Variants in GEM observed in about 807,000 individuals in gnomAD.
The protein encoded by GEM is GTP binding protein overexpressed in skeletal muscle.
A neutral mutation model predicts 33.0 loss-of-function variants in GEM; 31 were observed. The ratio of observed to expected loss-of-function variants is 0.94; its 90% CI spans 0.71 to 1.27. The LOEUF is 1.27. Ranked by LOEUF, GEM falls within the 50% of genes most tolerant of loss-of-function variation. The pLI, the probability that GEM is intolerant of heterozygous loss-of-function variation, is 0.00. For missense variants in GEM, 354 were observed against 390.5 expected (o/e 0.91, Z 0.79); for synonymous variants, 141 against 143.7 (o/e 0.98, Z 0.13).
intron 4 of GEM, 147 bp downstream of exon 4, chr8:94,251,872 G>A (rs1392877356): frequency 6.1e-6 from 4 of 655,114 alleles, no homozygotes; most frequent in African/African-American, 5.4e-5. Context: ...GGGACTGTAG[G>A]AGTCTGAGAA....
chr8:94,250,233 T>G lies in GEM; in HGVS notation c.*77A>C, dbSNP rs966415811. 1.7e-6 allele frequency: 2 copies of G among 1,181,878 alleles called. No individual in the cohort carries two copies. Among genetic ancestry groups the G allele is most frequent in the Non-Finnish European group, 2.4e-6 (2 of 827,700 alleles). 73.2% of individuals were successfully genotyped at this position (1,181,878 alleles called of 1,614,324 possible). ...GGGAAACCACATCTAACTTAAGTATTCAATCTAATATAGATTATTGGTCCC... is the reference window on the plus strand; with the variant it reads ...GGGAAACCACATCTAACTTAAGTATGCAATCTAATATAGATTATTGGTCCC... On this transcript the variant is annotated 3_prime_UTR_variant, in exon 5 of 5. Transcript: ENST00000297596.
intron 1 of GEM, among the ~76,000 whole-genome samples, chr8:94,261,328 C>A (rs767961049): frequency 6.6e-6 from 1 of 152,150 alleles, no homozygotes; most frequent in Non-Finnish European, 1.5e-5. Context: ...CACATCCATT[C>A]TCAAGAGTTC....
Position 94,249,355 on chromosome 8 carries a change from TA to T in GEM, c.*954del, listed in dbSNP as rs1808713024. The T allele has an allele frequency of 6.6e-6, 1 of 152,208 alleles. No homozygotes were observed. Among genetic ancestry groups the T allele is most frequent in the South Asian group, 2.1e-4 (1 of 4,830 alleles). The allele number at this position is 152,208 out of a possible 1,614,324, so 9.4% of individuals were successfully genotyped here. A position where few individuals can be genotyped will look rare whatever the true frequency, so the allele number is the denominator to read the frequency against. On this transcript the variant is annotated 3_prime_UTR_variant, in exon 5 of 5. Transcript: ENST00000297596. The stretch of plus-strand genomic sequence containing the variant: ...GTAATAAAATGGATATTTTTCTTAT[TA>T]AGAAATATGTTCATAAATATGCTTT...
Position 94,250,496 on chromosome 8 carries a change from A to G in GEM, c.705T>C (p.Ile235=). Residue 235 remains isoleucine (I), a synonymous_variant, in exon 5 of 5, where the codon ATT becomes ATC. Transcript: ENST00000297596. ...QHNVKELFEG[I]VRQVRLRRDS... is the part of the protein sequence containing the mutation. The stretch of plus-strand genomic sequence containing the variant: ...CCCGCCGAAGGCGCACCTGTCGCAC[A>G]ATGCCCTCAAACAGCTCCTTCACGT... 3 of 1,614,224 alleles carry G rather than the reference A, an allele frequency of 1.9e-6. No individual in the cohort carries two copies. Among genetic ancestry groups the G allele is most frequent in the Non-Finnish European group, 2.5e-6 (3 of 1,180,036 alleles).
chr8:94,254,432 C>G (rs916650746), intron 2 of GEM, among the ~76,000 whole-genome samples: 4 of 152,162 alleles, frequency 2.6e-5, no homozygotes, highest in Non-Finnish European at 5.9e-5. Flanking sequence ...GCAACTTAGG[C>G]TCTCTGAGCC....
chr8:94,262,103 T>C lies in GEM; in HGVS notation c.-23A>G, dbSNP rs1464719478. The stretch of plus-strand genomic sequence containing the variant: ...TCTGACCCCTACCAGAAAATCCCAG[T>C]GCTGAGCGCACGTTCCAGGGGTTCT... On this transcript the variant is annotated 5_prime_UTR_variant, in exon 1 of 5. Transcript: ENST00000297596. 2 of 152,268 alleles carry C rather than the reference T, an allele frequency of 1.3e-5. No homozygotes were observed. The highest frequency in any genetic ancestry group is 4.8e-5 in the African/African-American group (2 of 41,454). 9.4% of individuals were successfully genotyped at this position (152,268 alleles called of 1,614,324 possible). A position where few individuals can be genotyped will look rare whatever the true frequency, so the allele number is the denominator to read the frequency against.
intron 2 of GEM, among the ~76,000 whole-genome samples, chr8:94,255,099 T>C (rs10216999): frequency 0.13 from 20,433 of 152,120 alleles, 1,931 homozygotes; most frequent in African/African-American, 0.26. Flanking sequence ...AACCCCTCCC[T>C]GCACTCAGAC....
chr8:94,251,311 GA>G (rs931385753), intron 4 of GEM, among the ~76,000 whole-genome samples: 3 of 151,868 alleles, frequency 2.0e-5, no homozygotes, highest in Admixed American at 1.3e-4. Context: ...TTTTGGTTTG[GA>G]AAAAAAATGA....
In GEM at chr8:94,252,128, T is replaced by C; in HGVS notation, c.504A>G (p.Ala168=). 1.2e-6 allele frequency: 2 copies of C among 1,613,842 alleles called. No homozygotes were observed. Among genetic ancestry groups the C allele is most frequent in the Non-Finnish European group, 1.7e-6 (2 of 1,179,706 alleles). ...SITDRASFEK[A]SELRIQLRRA... ...TGCGGAGCTGGATTCGCAGCTCAGATGCCTTCTCGAAGCTCGCTCGGTCTG... is the reference window on the plus strand; with the variant it reads ...TGCGGAGCTGGATTCGCAGCTCAGACGCCTTCTCGAAGCTCGCTCGGTCTG... The change falls in exon 4 of 5, where the codon GCA becomes GCG. Residue 168 remains alanine (A), a synonymous_variant. Coordinates refer to ENST00000297596, the MANE Select transcript of GEM (RefSeq NM_005261.4).
At position 94,250,232 on chromosome 8, in the gene GEM, T is replaced by C; in HGVS notation, c.*78A>G. ...GGGGAAACCACATCTAACTTAAGTA[T>C]TCAATCTAATATAGATTATTGGTCC... On this transcript the variant is annotated 3_prime_UTR_variant, in exon 5 of 5. Coordinates refer to ENST00000297596, the MANE Select transcript of GEM (RefSeq NM_005261.4). The C allele has an allele frequency of 8.5e-7, 1 of 1,175,384 alleles. No homozygotes were observed. Among genetic ancestry groups the C allele is most frequent in the South Asian group, 1.5e-5 (1 of 66,102 alleles). The allele number at this position is 1,175,384 out of a possible 1,614,324, so 72.8% of individuals were successfully genotyped here. A position where few individuals can be genotyped will look rare whatever the true frequency, so the allele number is the denominator to read the frequency against.
At chr8:94,261,550 C>T (rs1445245623) in intron 1 of GEM, among the ~76,000 whole-genome samples, 4 of 151,974 alleles carry the variant, frequency 2.6e-5, no homozygotes, top group Non-Finnish European at 5.9e-5. Context: ...TTGGTAGAGA[C>T]AGTGGCCTCA....
In GEM at chr8:94,260,478, C is replaced by T. The variant is rs756531627; in HGVS notation, c.26G>A (p.Arg9His). The T allele has an allele frequency of 6.2e-6, 10 of 1,606,688 alleles. No individual in the cohort carries two copies. The highest frequency in any genetic ancestry group is 1.3e-5 in the African/African-American group (1 of 74,944). Reference sequence around the variant, plus strand: ...TGGCTGCATGCCCACAGTGCCCTGGCGCATGGTGACATTATTCAGAGTCAT... The same window carrying T: ...TGGCTGCATGCCCACAGTGCCCTGGTGCATGGTGACATTATTCAGAGTCAT... MTLNNVTM[R>H]QGTVGMQPQQ... is the part of the protein sequence containing the mutation. Residue 9 changes from arginine to histidine, a missense_variant, in exon 2 of 5, where the codon CGC (arginine) becomes CAC (histidine). Transcript: ENST00000297596.
chr8:94,253,096 T>C lies in GEM; in HGVS notation c.348A>G (p.Arg116=). Reference sequence around the variant, plus strand: ...CACTTTCCCCATCAACCATCAGGGTTCGTTCATATGTATCTTCTAGAGAAG... The same window carrying C: ...CACTTTCCCCATCAACCATCAGGGTCCGTTCATATGTATCTTCTAGAGAAG... ...CEVLGEDTYE[R]TLMVDGESAT... Residue 116 remains arginine (R), a synonymous_variant, in exon 3 of 5, where the codon CGA becomes CGG. Coordinates refer to ENST00000297596, the MANE Select transcript of GEM (RefSeq NM_005261.4). 6.3e-7 allele frequency: 1 copy of C among 1,587,300 alleles called. No individual in the cohort carries two copies. Among genetic ancestry groups the C allele is most frequent in the South Asian group, 1.1e-5 (1 of 90,490 alleles).
rs3735860 is a variant in GEM, at chr8:94,258,943, C to T, written c.331+1230G>A. Reference sequence around the variant, plus strand: ...AAGGCACCTAACAAAGTGCCTCTCCCGTTGCAAACATTCACTCTAAATGCT... The same window carrying T: ...AAGGCACCTAACAAAGTGCCTCTCCTGTTGCAAACATTCACTCTAAATGCT... On this transcript the variant is annotated intron_variant, in intron 2 of 4. Transcript: ENST00000297596. Among the ~76,000 whole-genome samples, 691 of 152,236 alleles carry T rather than the reference C, an allele frequency of 4.5e-3. 42 individuals carry two copies. The East Asian group carries it at 0.11, about 25-fold the overall frequency.
At chr8:94,255,754 C>A (rs563649820) in intron 2 of GEM, among the ~76,000 whole-genome samples, 3 of 152,106 alleles carry the variant, frequency 2.0e-5, no homozygotes, top group Non-Finnish European at 2.9e-5. Flanking sequence ...GAGGCTTTTC[C>A]GTAATCTGGG....
chr8:94,260,285 G>C lies in GEM; in HGVS notation c.219C>G (p.Asn73Lys). ...CTATGAGCACCACTCGGTAGTAGGT[G>C]TTCCCTGACTCAGAGGAGATGACTG... is the stretch of plus-strand genomic sequence containing the variant. ...TDSVISSESG[N>K]TYYRVVLIGE... The change falls in exon 2 of 5, where the codon AAC becomes AAG. Residue 73 changes from asparagine to lysine, a missense_variant. Transcript: ENST00000297596. The C allele has an allele frequency of 6.2e-7, 1 of 1,614,110 alleles. No homozygotes were observed. The highest frequency in any genetic ancestry group is 8.5e-7 in the Non-Finnish European group (1 of 1,179,906).
chr8:94,251,875 T>C (rs1434715965), intron 4 of GEM, 144 bp downstream of exon 4: 10 of 659,302 alleles, frequency 1.5e-5, no homozygotes, highest in Non-Finnish European at 2.5e-5. Context: ...ACTGTAGGAG[T>C]CTGAGAAACA....
At chr8:94,254,589 C>T (rs368522472) in intron 2 of GEM, among the ~76,000 whole-genome samples, 30 of 152,332 alleles carry the variant, frequency 2.0e-4, no homozygotes, top group African/African-American at 7.2e-4. Context: ...GAAGCTGGTT[C>T]TTGCCATACT....
chr8:94,253,080 C>T lies in GEM; in HGVS notation c.364G>A (p.Gly122Arg). The T allele has an allele frequency of 6.2e-7, 1 of 1,601,026 alleles. No homozygotes were observed. The highest frequency in any genetic ancestry group is 8.6e-7 in the Non-Finnish European group (1 of 1,168,202). The change falls in exon 3 of 5, where the codon GGG becomes AGG. Residue 122 changes from glycine to arginine, a missense_variant. Gly to Arg is a moderately radical substitution (Grantham distance 125). Transcript: ENST00000297596. ...AGGAGTATAATCGTTGCACTTTCCC[C>T]ATCAACCATCAGGGTTCGTTCATAT... ...DTYERTLMVD[G>R]ESATIILLDM...
Sources: allele counts gnomAD v4.1 joint callset (sites outside exome capture counted in the v4.1 genomes callset), GRCh38; gene constraint gnomAD v4.1.1; transcripts MANE v1.5; gene names NCBI Gene and HGNC (gene_info 2026-07-23, HGNC 2026-07-21).